Variants in CAST observed in about 807,000 individuals in gnomAD.
CAST encodes calpastatin, also known as MIR583 host.
CAST carries 76 observed loss-of-function variants against 119.6 expected under a neutral mutation model. That is an observed-to-expected ratio of 0.64 (90% CI 0.53 to 0.77). The LOEUF is 0.77. Ranked by LOEUF, CAST falls within the 30% of genes least tolerant of loss-of-function variation. CAST has a pLI of 0.00. For synonymous variants in CAST, 319 were observed against 331.6 expected (o/e 0.96, Z 0.41); for missense variants, 953 against 946.5 (o/e 1.01, Z -0.09).
At chr5:96,770,397 A>G (rs1456283444) in intron 29 of CAST, 134 bp from the exon 30 acceptor site, 3 of 608,476 alleles carry the variant, frequency 4.9e-6, no homozygotes, top group African/African-American at 1.9e-5. Context: ...AAATCATGAA[A>G]AAACACCCAA....
At chr5:96,083,866 C>T in the CAST span, among the ~76,000 whole-genome samples, 7 of 152,124 alleles carry the variant, frequency 4.6e-5, no homozygotes, top group African/African-American at 9.7e-5. Flanking sequence ...TGTGGTGGTT[C>T]GGGGCACAGA....
chr5:96,243,388 A>G, the CAST span, among the ~76,000 whole-genome samples: 7 of 151,874 alleles, frequency 4.6e-5, no homozygotes, highest in African/African-American at 1.7e-4. Context: ...TGGAAGAAGA[A>G]TTTTCTTCCT....
At chr5:96,182,086 T>G in the CAST span, among the ~76,000 whole-genome samples, 1 of 152,266 alleles carries the variant, frequency 6.6e-6, no homozygotes, top group Non-Finnish European at 1.5e-5. Context: ...AGTATGTATC[T>G]TTAACTTCTT....
chr5:96,439,626 C>T, the CAST span, among the ~76,000 whole-genome samples: 4 of 152,188 alleles, frequency 2.6e-5, no homozygotes, highest in South Asian at 8.3e-4. Context: ...GGGTGTTTTC[C>T]CCAGAGACAT....
At chr5:96,604,144 T>C (rs1281577098) in intron 1 of CAST, among the ~76,000 whole-genome samples, 2 of 152,172 alleles carry the variant, frequency 1.3e-5, no homozygotes, top group Admixed American at 1.3e-4. Flanking sequence ...TGTGCTACAA[T>C]ATCATGGCTA....
the CAST span, among the ~76,000 whole-genome samples, chr5:96,294,268 C>T: frequency 3.9e-5 from 6 of 152,090 alleles, no homozygotes; most frequent in African/African-American, 1.4e-4. Context: ...CTCTTTTGGA[C>T]TTAGAGTCAC....
At chr5:96,180,887 G>A in the CAST span, among the ~76,000 whole-genome samples, 2 of 152,276 alleles carry the variant, frequency 1.3e-5, no homozygotes, top group African/African-American at 4.8e-5. Flanking sequence ...GGCTCAGCAA[G>A]GTGTAATTCA....
the CAST span, among the ~76,000 whole-genome samples, chr5:96,111,498 C>G: frequency 1.3e-5 from 2 of 152,214 alleles, no homozygotes; most frequent in African/African-American, 2.4e-5. Flanking sequence ...TTTCAATCCT[C>G]TAAACACACA....
chr5:96,356,319 C>T, the CAST span, among the ~76,000 whole-genome samples: 23 of 152,092 alleles, frequency 1.5e-4, no homozygotes, highest in Non-Finnish European at 2.4e-4. Flanking sequence ...TTTTGCTGTG[C>T]GGAAGCTCTT....
chr5:96,484,604 A>G, the CAST span, among the ~76,000 whole-genome samples: 1 of 152,124 alleles, frequency 6.6e-6, no homozygotes, highest in Non-Finnish European at 1.5e-5. Flanking sequence ...TTTTTGGTTA[A>G]TCTCGGTTTA....
intron 1 of CAST, among the ~76,000 whole-genome samples, chr5:96,609,412 G>T (rs1580844350): frequency 6.6e-6 from 1 of 152,112 alleles, no homozygotes; most frequent in East Asian, 1.9e-4. Context: ...ATTTAAAGCG[G>T]TGCTTTCCAA....
At chr5:96,489,370 C>A in the CAST span, among the ~76,000 whole-genome samples, 2 of 152,172 alleles carry the variant, frequency 1.3e-5, no homozygotes, top group Non-Finnish European at 2.9e-5. Context: ...TACAAATGAG[C>A]TGATTGAGTA....
chr5:96,380,991 T>C, the CAST span, among the ~76,000 whole-genome samples: 1 of 152,204 alleles, frequency 6.6e-6, no homozygotes, highest in Admixed American at 6.5e-5. Flanking sequence ...TTGTTGAATC[T>C]TGGTGTAGTA....
At chr5:96,464,112 TG>T in the CAST span, among the ~76,000 whole-genome samples, 9 of 152,024 alleles carry the variant, frequency 5.9e-5, no homozygotes, top group Non-Finnish European at 1.2e-4. Flanking sequence ...CTAAAGGTTT[TG>T]TTTTGTTTTG....
chr5:96,425,022 AAG>A, the CAST span, among the ~76,000 whole-genome samples: 10 of 73,950 alleles, frequency 1.4e-4, no homozygotes, highest in African/African-American at 5.2e-4. Flanking sequence ...GAAAGAAAGA[AAG>A]AAAGAAAGAA....
chr5:96,558,258 G>T (rs555576538), intron 1 of CAST, among the ~76,000 whole-genome samples: 179 of 152,206 alleles, frequency 1.2e-3, no homozygotes, highest in African/African-American at 4.2e-3. Context: ...AAGCAGGAAA[G>T]ATCTAAAATT....
At chr5:96,551,829 A>G (rs1042457726) in intron 1 of CAST, among the ~76,000 whole-genome samples, 11 of 152,218 alleles carry the variant, frequency 7.2e-5, no homozygotes, top group Non-Finnish European at 1.5e-4. Context: ...GAAGTCCATT[A>G]CATAATGGTA....
chr5:96,049,813 T>C, the CAST span, among the ~76,000 whole-genome samples: 3 of 137,268 alleles, frequency 2.2e-5, no homozygotes, highest in Non-Finnish European at 4.5e-5. Context: ...CTAAGGAAAA[T>C]GTGCTCAGAG....
chr5:96,419,281 G>T, the CAST span, among the ~76,000 whole-genome samples: 3 of 148,292 alleles, frequency 2.0e-5, no homozygotes, highest in African/African-American at 7.5e-5. Flanking sequence ...GGTATTAAAT[G>T]AGTTTATATG....
Sources: allele counts gnomAD v4.1 joint callset (sites outside exome capture counted in the v4.1 genomes callset), GRCh38; gene constraint gnomAD v4.1.1; transcripts MANE v1.5; gene names NCBI Gene and HGNC (gene_info 2026-07-23, HGNC 2026-07-21).